VEGFC: variants seen among roughly 807,000 people sequenced by gnomAD.
VEGFC encodes vascular endothelial growth factor C, also known as FLT4 ligand DHM.
VEGFC carries 12 observed loss-of-function variants against 46.1 expected under a neutral mutation model. The ratio of observed to expected loss-of-function variants is 0.26; its 90% confidence interval spans 0.17 to 0.42. VEGFC has a LOEUF of 0.42. Ranked by LOEUF, VEGFC falls within the 10% of genes least tolerant of loss-of-function variation. VEGFC has a pLI of 1.00. For missense variants in VEGFC, 488 were observed against 529.4 expected, an observed-to-expected ratio of 0.92 and a Z score of 0.77; for synonymous variants, 232 against 195.5, an observed-to-expected ratio of 1.19 and a Z score of -1.56.
In VEGFC at chr4:176,692,398, AC is replaced by A. The variant is rs1228163711; in HGVS notation, c.705-4472del. On this transcript the variant is annotated intron_variant, in intron 4 of 6. Coordinates refer to ENST00000618562, the MANE Select transcript of VEGFC (RefSeq NM_005429.5). The stretch of plus-strand genomic sequence containing the variant: ...GACAGAGCGAGACTCCGTCTCAAAA[AC>A]AAACAAACAAACAAACAAAAAAAAA... Among the ~76,000 whole-genome samples the A allele has an allele frequency of 6.2e-3, 770 of 124,066 alleles. 46 individuals are homozygous for A. The highest frequency in any genetic ancestry group is 0.034 in the African/African-American group (684 of 19,982). The allele number at this position is 124,066 out of a possible 152,430, so 81.4% of individuals were successfully genotyped here. A position where few individuals can be genotyped will look rare whatever the true frequency, so the allele number is the denominator to read the frequency against.
chr4:176,768,169 T>C (rs995962290), intron 1 of VEGFC, among the ~76,000 whole-genome samples: 1 of 152,156 alleles, frequency 6.6e-6, no homozygotes, highest in Admixed American at 6.5e-5. Flanking sequence ...AAGTGTCTGT[T>C]AGCCATCTGA....
At chr4:176,747,643 A>G (rs959979705) in intron 1 of VEGFC, among the ~76,000 whole-genome samples, 1 of 152,034 alleles carries the variant, frequency 6.6e-6, no homozygotes, top group African/African-American at 2.4e-5. Context: ...AAATTTAAAA[A>G]TTAGCCAGGC....
At chr4:176,719,581 T>G (rs557232143) in intron 3 of VEGFC, among the ~76,000 whole-genome samples, 1 of 152,232 alleles carries the variant, frequency 6.6e-6, no homozygotes, top group Non-Finnish European at 1.5e-5. Context: ...GTACTTTTCC[T>G]TCACAACACT....
intron 3 of VEGFC, among the ~76,000 whole-genome samples, chr4:176,717,317 T>G (rs1184906065): frequency 2.6e-5 from 4 of 152,070 alleles, no homozygotes; most frequent in African/African-American, 9.7e-5. Context: ...TCTGTAAAAC[T>G]ATAATAAACA....
intron 4 of VEGFC, among the ~76,000 whole-genome samples, chr4:176,700,728 T>C (rs1390052414): frequency 6.6e-6 from 1 of 152,154 alleles, no homozygotes; most frequent in African/African-American, 2.4e-5. Context: ...GGAAAATCCA[T>C]GGTTATTGGA....
intron 1 of VEGFC, among the ~76,000 whole-genome samples, chr4:176,788,563 A>T (rs1232805442): frequency 3.3e-5 from 5 of 152,222 alleles, no homozygotes; most frequent in Non-Finnish European, 7.3e-5. Context: ...AGTTGAAAAT[A>T]TATTTAATAT....
intron 3 of VEGFC, among the ~76,000 whole-genome samples, chr4:176,719,838 A>G (rs1734754077): frequency 6.6e-6 from 1 of 152,146 alleles, no homozygotes; most frequent in African/African-American, 2.4e-5. Flanking sequence ...AGGCGAGTGG[A>G]TCACTTGAAG....
At chr4:176,746,422 C>A (rs946521808) in intron 1 of VEGFC, among the ~76,000 whole-genome samples, 3 of 152,074 alleles carry the variant, frequency 2.0e-5, no homozygotes, top group Admixed American at 2.0e-4. Context: ...CCACCAGCAA[C>A]CTTCCAGAGC....
chr4:176,747,615 G>A (rs566210000), intron 1 of VEGFC, among the ~76,000 whole-genome samples: 3 of 152,028 alleles, frequency 2.0e-5, no homozygotes, highest in Admixed American at 2.0e-4. Flanking sequence ...AATACAGCGA[G>A]ACCCCCATCT....
rs1027013667 is a variant in VEGFC, at chr4:176,707,752, G to A, written c.704+3747C>T. On this transcript the variant is annotated intron_variant, in intron 4 of 6. Coordinates refer to ENST00000618562, the MANE Select transcript of VEGFC (RefSeq NM_005429.5). ...ATTGGCAACGGAACACACCCCAAGT[G>A]TTTGCAATATATGAGCTATGAAATT... Among the ~76,000 whole-genome samples, 3 of 152,056 alleles carry A rather than the reference G, an allele frequency of 2.0e-5. No homozygotes were observed. The South Asian group carries it at 6.2e-4, about 32-fold the overall frequency.
At chr4:176,690,349 TG>T (rs1734132848) in intron 4 of VEGFC, among the ~76,000 whole-genome samples, 1 of 152,012 alleles carries the variant, frequency 6.6e-6, no homozygotes, top group Non-Finnish European at 1.5e-5. Context: ...TTTGGCTTTT[TG>T]GTTTATGTTT....
chr4:176,701,752 T>C (rs1734437039), intron 4 of VEGFC, among the ~76,000 whole-genome samples: 1 of 152,132 alleles, frequency 6.6e-6, no homozygotes, highest in Admixed American at 6.6e-5. Flanking sequence ...TAACCGTATA[T>C]GGACATAAAG....
chr4:176,748,902 T>C (rs907812451), intron 1 of VEGFC, among the ~76,000 whole-genome samples: 47 of 152,074 alleles, frequency 3.1e-4, no homozygotes, highest in Admixed American at 5.9e-4. Flanking sequence ...GTATAAAATA[T>C]TTAACTACAA....
At chr4:176,755,078 A>G (rs937203214) in intron 1 of VEGFC, among the ~76,000 whole-genome samples, 3 of 152,058 alleles carry the variant, frequency 2.0e-5, no homozygotes, top group Non-Finnish European at 4.4e-5. Context: ...GTTTTCATGT[A>G]GTTACTTTCA....
In VEGFC at chr4:176,769,264, T is replaced by C. The variant is rs1283422984; in HGVS notation, c.147+22901A>G. Among the ~76,000 whole-genome samples, 6 of 152,124 alleles carry C rather than the reference T, an allele frequency of 3.9e-5. No homozygotes were observed. In the South Asian group the frequency reaches 1.0e-3, roughly 26 times the overall value. The stretch of plus-strand genomic sequence containing the variant: ...TATAAATTATCCAGTCTAAGACACT[T>C]TGTTATAGCAGGCTGAACAAACTAA... On this transcript the variant is annotated intron_variant, in intron 1 of 6. Coordinates refer to ENST00000618562, the MANE Select transcript of VEGFC (RefSeq NM_005429.5).
chr4:176,748,656 T>C (rs1560954543), intron 1 of VEGFC, among the ~76,000 whole-genome samples: 1 of 151,960 alleles, frequency 6.6e-6, no homozygotes. Flanking sequence ...AAAACAACTT[T>C]CCAGAATAAA....
At chr4:176,773,752 AG>A (rs1488858706) in intron 1 of VEGFC, among the ~76,000 whole-genome samples, 6 of 152,148 alleles carry the variant, frequency 3.9e-5, no homozygotes, top group Non-Finnish European at 7.3e-5. Context: ...GCACTATCAC[AG>A]GTCACTACAG....
chr4:176,787,867 ATC>A (rs2110956802), intron 1 of VEGFC, among the ~76,000 whole-genome samples: 1 of 152,322 alleles, frequency 6.6e-6, no homozygotes, highest in Non-Finnish European at 1.5e-5. Context: ...TCTCTGCTAT[ATC>A]TGTTTTTTCT....
intron 3 of VEGFC, among the ~76,000 whole-genome samples, chr4:176,713,195 C>CA (rs1363684787): frequency 1.3e-5 from 2 of 152,160 alleles, no homozygotes; most frequent in Non-Finnish European, 2.9e-5. Context: ...TAGATAACTT[C>CA]ACTATGTGAC....
Sources: allele counts gnomAD v4.1 joint callset (sites outside exome capture counted in the v4.1 genomes callset), GRCh38; gene constraint gnomAD v4.1.1; transcripts MANE v1.5; gene names NCBI Gene and HGNC (gene_info 2026-07-23, HGNC 2026-07-21).